The following SLC7A14 variants were observed in gnomAD, a reference collection of about 807,000 sequenced individuals.
SLC7A14 encodes gamma-aminobutyric acid transporter SLC7A14.
SLC7A14 carries 37 observed loss-of-function variants against 60.2 expected under a neutral mutation model. The ratio of observed to expected loss-of-function variants is 0.61; its 90% CI spans 0.47 to 0.81. The LOEUF (loss-of-function observed/expected upper bound fraction) is 0.81, where lower values mean the gene tolerates loss of function less well. Ranked by LOEUF, SLC7A14 falls within the 30% of genes least tolerant of loss-of-function variation. The pLI, the probability that SLC7A14 is intolerant of heterozygous loss-of-function variation, is 0.00. For missense variants in SLC7A14, 886 were observed against 982.7 expected, an observed-to-expected ratio of 0.90 and a Z score of 1.32; for synonymous variants, 399 against 395.8, an observed-to-expected ratio of 1.01 and a Z score of -0.10.
At chr3:170,570,678 GAC>G (rs1714923961) in intron 1 of SLC7A14, among the ~76,000 whole-genome samples, 1 of 152,130 alleles carries the variant, frequency 6.6e-6, no homozygotes. Context: ...CCGAAGCCCG[GAC>G]ACTGGTAAAG....
intron 5 of SLC7A14, among the ~76,000 whole-genome samples, chr3:170,485,551 T>C (rs1711999792): frequency 6.6e-6 from 1 of 152,120 alleles, no homozygotes; most frequent in Admixed American, 6.5e-5. Context: ...ATTTCTGTGA[T>C]AGAAATTCTG....
intron 4 of SLC7A14, among the ~76,000 whole-genome samples, chr3:170,490,219 C>T (rs548320246): frequency 6.6e-5 from 10 of 152,278 alleles, no homozygotes; most frequent in South Asian, 2.1e-4. Flanking sequence ...AATATATACA[C>T]GTACTAAGTA....
rs559601440 is a variant in SLC7A14, at chr3:170,466,526, G to C, written c.*529C>G. 14 of 152,716 alleles carry C rather than the reference G, an allele frequency of 9.2e-5. No individual in the cohort carries two copies. Among genetic ancestry groups the C allele is most frequent in the African/African-American group, 3.1e-4 (13 of 41,550 alleles). The allele number at this position is 152,716 out of a possible 1,614,324, so 9.5% of individuals were successfully genotyped here. A position where few individuals can be genotyped will look rare whatever the true frequency, so the allele number is the denominator to read the frequency against. On this transcript the variant is annotated 3_prime_UTR_variant, in exon 8 of 8. Transcript: ENST00000231706. ...ATAGTTTGGAAGCTGTGAGAATGTT[G>C]GTGAATAAAAAGAAGCATGTGTCTT... is the stretch of plus-strand genomic sequence containing the variant.
intron 3 of SLC7A14, among the ~76,000 whole-genome samples, chr3:170,499,569 A>G (rs1712538449): frequency 6.6e-6 from 1 of 152,218 alleles, no homozygotes; most frequent in Non-Finnish European, 1.5e-5. Flanking sequence ...TTAATTTTAC[A>G]GTCTGTAAAA....
chr3:170,492,824 T>C (rs10490804), intron 4 of SLC7A14, among the ~76,000 whole-genome samples: 16,336 of 152,194 alleles, frequency 0.11, 1,314 homozygotes, highest in African/African-American at 0.22. Flanking sequence ...GCCTGGGAGA[T>C]AATTAGGCGC....
At chr3:170,499,674 T>C (rs1712541389) in intron 3 of SLC7A14, among the ~76,000 whole-genome samples, 1 of 152,162 alleles carries the variant, frequency 6.6e-6, no homozygotes, top group Non-Finnish European at 1.5e-5. Flanking sequence ...TCCTTTTGTG[T>C]ATATGTGGTT....
intron 1 of SLC7A14, among the ~76,000 whole-genome samples, chr3:170,562,736 A>G (rs1714688380): frequency 6.6e-6 from 1 of 152,182 alleles, no homozygotes; most frequent in Non-Finnish European, 1.5e-5. Context: ...CAGCCTTGCT[A>G]CAAGAAATAT....
At chr3:170,519,770 T>C (rs1315084855) in intron 2 of SLC7A14, among the ~76,000 whole-genome samples, 1 of 152,172 alleles carries the variant, frequency 6.6e-6, no homozygotes, top group Admixed American at 6.5e-5. Flanking sequence ...AGCAAGACTC[T>C]ATCTCAAAAA....
chr3:170,529,185 C>T (rs1193478589), intron 1 of SLC7A14, among the ~76,000 whole-genome samples: 1 of 152,192 alleles, frequency 6.6e-6, no homozygotes, highest in Non-Finnish European at 1.5e-5. Flanking sequence ...AGATACCACC[C>T]AGCTAGCTAC....
rs1715347869 is a variant in SLC7A14, at chr3:170,585,097, A to C, written c.-153+814T>G. ...GAGAGAGAAGGAGGGTGGGGGCTGC[A>C]TCCCGCGTGGCCACGCAGCCCTAAC... On this transcript the variant is annotated intron_variant, in intron 1 of 7. Coordinates refer to ENST00000231706, the MANE Select transcript of SLC7A14 (RefSeq NM_020949.3). This position sits in a 1 kb window ranked among gnomAD's most constrained non-coding sequence, Gnocchi z 5.1. Among the ~76,000 whole-genome samples the C allele has an allele frequency of 6.6e-6, 1 of 152,166 alleles. No homozygotes were observed. Among genetic ancestry groups the C allele is most frequent in the African/African-American group, 2.4e-5 (1 of 41,446 alleles).
intron 2 of SLC7A14, among the ~76,000 whole-genome samples, chr3:170,508,378 G>A (rs1255358124): frequency 3.3e-5 from 5 of 152,328 alleles, no homozygotes; most frequent in East Asian, 3.9e-4. Flanking sequence ...TCAGAGGTTC[G>A]GTCAGGCTGC....
Position 170,461,969 on chromosome 3 carries a change from G to A in SLC7A14, c.*5086C>T, listed in dbSNP as rs915126729. The A allele has an allele frequency of 5.9e-5, 9 of 152,492 alleles. No individual in the cohort carries two copies. The highest frequency in any genetic ancestry group is 2.2e-4 in the African/African-American group (9 of 41,502). 9.4% of individuals were successfully genotyped at this position (152,492 alleles called of 1,614,324 possible). A position where few individuals can be genotyped will look rare whatever the true frequency, so the allele number is the denominator to read the frequency against. On this transcript the variant is annotated 3_prime_UTR_variant, in exon 8 of 8. Transcript: ENST00000231706. ...TCTCTTTCCCTCCATTGGAAGTTAGGGACACCTCTGCACTACTCACTGACC... is the reference window on the plus strand; with the variant it reads ...TCTCTTTCCCTCCATTGGAAGTTAGAGACACCTCTGCACTACTCACTGACC...
At chr3:170,478,217 A>G (rs1050369743) in intron 7 of SLC7A14, among the ~76,000 whole-genome samples, 7 of 152,088 alleles carry the variant, frequency 4.6e-5, no homozygotes, top group Admixed American at 2.0e-4. Context: ...AGCTGGGATT[A>G]CAGGCACTTG....
chr3:170,489,853 T>C (rs1042779330), intron 4 of SLC7A14, among the ~76,000 whole-genome samples: 5 of 152,048 alleles, frequency 3.3e-5, no homozygotes, highest in African/African-American at 1.2e-4. Flanking sequence ...AAGACAAACA[T>C]TGCACATTCT....
chr3:170,476,396 G>A (rs980844001), intron 7 of SLC7A14, among the ~76,000 whole-genome samples: 54 of 152,210 alleles, frequency 3.5e-4, no homozygotes, highest in East Asian at 1.9e-4. Flanking sequence ...CAGAATCACC[G>A]GGTGCTTGTT....
intron 4 of SLC7A14, among the ~76,000 whole-genome samples, chr3:170,497,921 G>C (rs1350124111): frequency 6.6e-6 from 1 of 152,160 alleles, no homozygotes; most frequent in Admixed American, 6.5e-5. Flanking sequence ...GACCACACCA[G>C]GTAAACCTGC....
chr3:170,536,578 A>G (rs1300284180), intron 1 of SLC7A14, among the ~76,000 whole-genome samples: 1 of 152,224 alleles, frequency 6.6e-6, no homozygotes, highest in African/African-American at 2.4e-5. Flanking sequence ...AAGTGAGAGC[A>G]CACTATCATA....
intron 1 of SLC7A14, among the ~76,000 whole-genome samples, chr3:170,577,841 A>G (rs1377158240): frequency 6.6e-6 from 1 of 152,210 alleles, no homozygotes; most frequent in Non-Finnish European, 1.5e-5. Flanking sequence ...TATTCAGTAC[A>G]TTGAAATACA....
At chr3:170,536,264 T>C (rs1713837415) in intron 1 of SLC7A14, among the ~76,000 whole-genome samples, 1 of 152,164 alleles carries the variant, frequency 6.6e-6, no homozygotes, top group East Asian at 1.9e-4. Flanking sequence ...ATGCCCCAAA[T>C]ATAGCTAAGA....
Sources: allele counts gnomAD v4.1 joint callset (sites outside exome capture counted in the v4.1 genomes callset), GRCh38; gene constraint gnomAD v4.1.1; non-coding constraint Gnocchi (gnomAD v3.1); transcripts MANE v1.5; gene names NCBI Gene and HGNC (gene_info 2026-07-23, HGNC 2026-07-21).